The following ATXN3 variants were observed in gnomAD, a reference collection of about 807,000 sequenced individuals.
ATXN3 encodes the protein ataxin 3.
Under a neutral mutation model 58.2 loss-of-function variants are expected in ATXN3, and 28 were observed. The ratio of observed to expected loss-of-function variants is 0.48; its 90% CI spans 0.36 to 0.66. ATXN3 has a LOEUF of 0.66. Ranked by LOEUF, ATXN3 falls within the 30% of genes least tolerant of loss-of-function variation. ATXN3 has a pLI of 0.00. For synonymous variants in ATXN3, 113 were observed against 138.5 expected (o/e 0.82, Z 1.29); for missense variants, 321 against 422.1 (o/e 0.76, Z 2.10).
chr14:92,055,948 G>A (rs151282167), downstream of ATXN3, among the ~76,000 whole-genome samples: 1,215 of 152,130 alleles, frequency 8.0e-3, 12 homozygotes, highest in Non-Finnish European at 0.011. This position sits in a 1 kb window ranked among gnomAD's most constrained non-coding sequence, Gnocchi z 4.5. Flanking sequence ...GTGACAGAAC[G>A]AGGCCCTGTC....
intron 9 of ATXN3, among the ~76,000 whole-genome samples, chr14:92,073,312 C>T (rs1437610761): frequency 6.6e-6 from 1 of 152,222 alleles, no homozygotes; most frequent in African/African-American, 2.4e-5. Flanking sequence ...TCCCACTGTG[C>T]CATCAATATT....
Position 92,096,287 on chromosome 14 carries a change from T to G in ATXN3, c.190-150A>C, listed in dbSNP as rs951881844. On this transcript the variant is annotated intron_variant, in intron 2 of 10. Transcript: ENST00000644486. ...TTATAATTCACCAGTCAGATCCCTATAGGAAGAATGGCCCATCCTTTTCTA... is the reference window on the plus strand; with the variant it reads ...TTATAATTCACCAGTCAGATCCCTAGAGGAAGAATGGCCCATCCTTTTCTA... The G allele has an allele frequency of 3.9e-6, 6 of 1,524,398 alleles. No homozygotes were observed. The African/African-American group carries it at 8.3e-5, about 21-fold the overall frequency. 94.4% of individuals were successfully genotyped at this position (1,524,398 alleles called of 1,614,324 possible).
At chr14:92,103,279 A>G (rs2067291982) in intron 1 of ATXN3, among the ~76,000 whole-genome samples, 1 of 150,550 alleles carries the variant, frequency 6.6e-6, no homozygotes, top group African/African-American at 2.4e-5. Context: ...TTACATTTTT[A>G]CATGGTTGGG....
intron 2 of ATXN3, among the ~76,000 whole-genome samples, chr14:92,045,229 C>T (rs1411598903): frequency 2.0e-5 from 3 of 152,106 alleles, no homozygotes; most frequent in South Asian, 2.1e-4. Context: ...ACCATTAGTC[C>T]GTTCTACCTT....
At chr14:92,050,499 G>C (rs1185447447), upstream of ATXN3, 1 of 152,338 alleles carries the variant, frequency 6.6e-6, no homozygotes, top group Non-Finnish European at 1.5e-5. Context: ...AGTGGCTACA[G>C]GTGGTGGGAT....
chr14:92,079,149 G>GCA (rs2060974912), intron 9 of ATXN3, among the ~76,000 whole-genome samples: 1 of 136,140 alleles, frequency 7.3e-6, no homozygotes, highest in Non-Finnish European at 1.5e-5. Flanking sequence ...TTGTGCCATT[G>GCA]CACTCCAGCC....
chr14:92,085,019 G>C (rs2062124996), intron 6 of ATXN3, among the ~76,000 whole-genome samples: 4 of 152,114 alleles, frequency 2.6e-5, no homozygotes, highest in Non-Finnish European at 5.9e-5. Context: ...ACTGTATTCA[G>C]AGTTTAGACG....
intron 1 of ATXN3, among the ~76,000 whole-genome samples, chr14:92,097,198 T>G (rs111754914): frequency 7.4e-5 from 11 of 147,902 alleles, no homozygotes; most frequent in Non-Finnish European, 1.5e-4. Flanking sequence ...CGTGAGCCAC[T>G]GCGCCCGGCT....
At chr14:92,080,384 T>C (rs1245848376) in intron 9 of ATXN3, among the ~76,000 whole-genome samples, 1 of 152,236 alleles carries the variant, frequency 6.6e-6, no homozygotes, top group Non-Finnish European at 1.5e-5. Flanking sequence ...TCAATTGGCA[T>C]TCTTCTTGTC....
At chr14:92,085,995 AG>A (rs2062405377) in intron 6 of ATXN3, among the ~76,000 whole-genome samples, 1 of 152,098 alleles carries the variant, frequency 6.6e-6, no homozygotes, top group Non-Finnish European at 1.5e-5. Flanking sequence ...AAAAGATACA[AG>A]TATCTAAAAT....
downstream of ATXN3, among the ~76,000 whole-genome samples, chr14:92,058,091 G>A (rs2057496032): frequency 1.3e-5 from 2 of 152,302 alleles, no homozygotes; most frequent in South Asian, 4.1e-4. Context: ...TGAGGATCCA[G>A]TAATAATGGA....
chr14:92,079,000 A>T (rs966787328), intron 9 of ATXN3, among the ~76,000 whole-genome samples: 1 of 152,094 alleles, frequency 6.6e-6, no homozygotes, highest in African/African-American at 2.4e-5. Flanking sequence ...AGCCTGGACG[A>T]CATGGTGAAA....
chr14:92,096,623 CA>C (rs376966269), intron 2 of ATXN3, 50 bp downstream of exon 2: 215,193 of 1,184,822 alleles, frequency 0.18, 4 homozygotes, highest in Non-Finnish European at 0.19. Flanking sequence ...GACTCCGTCT[CA>C]AAAAAAAAAA....
In ATXN3 at chr14:92,066,071, C is replaced by A. The variant is rs76164879; in HGVS notation, c.992-1657G>T. On this transcript the variant is annotated intron_variant, in intron 10 of 10. Transcript: ENST00000644486. ...GCCTCCCTAAGTGCTAGTATTACAG[C>A]ACTTACGGAGTGTAATACTAAAAAA... Among the ~76,000 whole-genome samples the A allele has an allele frequency of 6.3e-3, 953 of 150,552 alleles. 14 individuals are homozygous for A. Among genetic ancestry groups the A allele is most frequent in the African/African-American group, 0.022 (881 of 40,642 alleles).
chr14:92,085,753 G>C (rs1478387482), intron 6 of ATXN3, among the ~76,000 whole-genome samples: 1 of 152,188 alleles, frequency 6.6e-6, no homozygotes, highest in African/African-American at 2.4e-5. Flanking sequence ...GCCAAAGCTA[G>C]GAGTTAGTCA....
At chr14:92,092,719 T>C (rs2064122984) in intron 5 of ATXN3, among the ~76,000 whole-genome samples, 1 of 152,070 alleles carries the variant, frequency 6.6e-6, no homozygotes, top group Non-Finnish European at 1.5e-5. Flanking sequence ...AATAAATTTA[T>C]AAGGAAAACT....
intron 1 of ATXN3, 53 bp from the exon 2 acceptor site, chr14:92,096,891 T>A: frequency 6.7e-7 from 1 of 1,492,874 alleles, no homozygotes; most frequent in Non-Finnish European, 9.3e-7. Flanking sequence ...CAGAATTGTA[T>A]AGTATCTTCC....
rs759738968 is a variant in ATXN3, at chr14:92,059,575, C to G, written c.*4745G>C. 1 of 152,256 alleles carries G rather than the reference C, an allele frequency of 6.6e-6. No individual in the cohort carries two copies. The highest frequency in any genetic ancestry group is 1.5e-5 in the Non-Finnish European group (1 of 68,174). 9.4% of individuals were successfully genotyped at this position (152,256 alleles called of 1,614,324 possible). A position where few individuals can be genotyped will look rare whatever the true frequency, so the allele number is the denominator to read the frequency against. Reference sequence around the variant, plus strand: ...GTGGCCTGCACCTGTAATCCCAGCACTTTGGGAGGCCAAGGCAGGCAGATC... The same window carrying G: ...GTGGCCTGCACCTGTAATCCCAGCAGTTTGGGAGGCCAAGGCAGGCAGATC... On this transcript the variant is annotated 3_prime_UTR_variant, in exon 11 of 11. Transcript: ENST00000644486.
chr14:92,102,792 G>C (rs2067142058), intron 1 of ATXN3, among the ~76,000 whole-genome samples: 1 of 152,254 alleles, frequency 6.6e-6, no homozygotes, highest in Non-Finnish European at 1.5e-5. Context: ...ACTTGCTCAG[G>C]ATCACACAGG....
Sources: gnomAD v4.1 joint callset for allele counts (sites outside exome capture counted in the v4.1 genomes callset) on GRCh38, gnomAD v4.1.1 for gene constraint, Gnocchi (gnomAD v3.1) non-coding constraint, MANE v1.5 for transcripts, NCBI Gene and HGNC (gene_info 2026-07-23, HGNC 2026-07-21) for gene names.